The following LPP variants were observed in gnomAD, a reference collection of about 807,000 sequenced individuals.
LPP encodes LIM domain containing preferred translocation partner in lipoma.
A neutral mutation model predicts 60.4 loss-of-function variants in LPP; 38 were observed. The observed-to-expected ratio is 0.63, with a 90% CI of 0.49 to 0.83. LPP has a LOEUF of 0.83. Ranked by LOEUF, LPP falls within the 40% of genes least tolerant of loss-of-function variation. The pLI is 0.00. For synonymous variants in LPP, 328 were observed against 290.8 expected (o/e 1.13, Z -1.30); for missense variants, 902 against 783.6 (o/e 1.15, Z -1.80).
intron 9 of LPP, among the ~76,000 whole-genome samples, chr3:188,768,467 G>C (rs908433636): frequency 6.6e-6 from 1 of 152,036 alleles, no homozygotes; most frequent in African/African-American, 2.4e-5. Context: ...AGAACAATTA[G>C]GAATCTTTTA....
intron 4 of LPP, among the ~76,000 whole-genome samples, chr3:188,441,312 G>A (rs1004213034): frequency 6.6e-6 from 1 of 152,080 alleles, no homozygotes; most frequent in African/African-American, 2.4e-5. Context: ...GCGTGCGTAT[G>A]TGTTTATCAG....
intron 1 of LPP, among the ~76,000 whole-genome samples, chr3:188,196,674 C>T (rs925182859): frequency 6.6e-5 from 10 of 152,174 alleles, no homozygotes; most frequent in African/African-American, 2.4e-4. Context: ...TAAAATCCTT[C>T]AATGCTTTCC....
At chr3:188,783,039 T>C (rs1257629240) in intron 9 of LPP, among the ~76,000 whole-genome samples, 1 of 152,156 alleles carries the variant, frequency 6.6e-6, no homozygotes, top group East Asian at 1.9e-4. Flanking sequence ...AGTTGCCAAT[T>C]GGTCTCCATG....
In LPP at chr3:188,405,824, T is replaced by C. The variant is rs953430780; in HGVS notation, c.-9-288T>C. On this transcript the variant is annotated intron_variant, in intron 3 of 11. Coordinates refer to ENST00000617246, the MANE Select transcript of LPP (RefSeq NM_001375462.1). ...GGCTAGGCACTAAAATAGGTAACTA[T>C]TGGAAGGGAGATATTCAAGTTTGAG... Among the ~76,000 whole-genome samples, 18 of 152,308 alleles carry C rather than the reference T, an allele frequency of 1.2e-4. No individual in the cohort carries two copies. In the East Asian group the frequency reaches 3.3e-3, roughly 28 times the overall value.
chr3:188,258,300 G>T (rs76199408), intron 2 of LPP, among the ~76,000 whole-genome samples: 1 of 152,172 alleles, frequency 6.6e-6, no homozygotes, highest in Non-Finnish European at 1.5e-5. Flanking sequence ...CACTGGCTGC[G>T]CATTAAAATC....
intron 9 of LPP, among the ~76,000 whole-genome samples, chr3:188,860,676 T>C (rs1764988064): frequency 6.6e-6 from 1 of 152,184 alleles, no homozygotes; most frequent in Non-Finnish European, 1.5e-5. Context: ...AGTACTTACC[T>C]GGACTTTATT....
At chr3:188,836,528 C>A (rs1157106504) in intron 9 of LPP, among the ~76,000 whole-genome samples, 2 of 152,218 alleles carry the variant, frequency 1.3e-5, no homozygotes, top group African/African-American at 4.8e-5. Context: ...CACTCTATCC[C>A]TGCAGGACTT....
intron 2 of LPP, among the ~76,000 whole-genome samples, chr3:188,316,191 C>T (rs9813287): frequency 0.45 from 68,163 of 152,016 alleles, 17,984 homozygotes; most frequent in East Asian, 0.71. Context: ...GGTAGGAGAA[C>T]CATTTGAACT....
At chr3:188,853,582 G>T (rs1763160218) in intron 9 of LPP, among the ~76,000 whole-genome samples, 1 of 152,204 alleles carries the variant, frequency 6.6e-6, no homozygotes, top group Non-Finnish European at 1.5e-5. Context: ...GAGGTGACAG[G>T]CTAGGGGCCT....
At chr3:188,335,848 T>A (rs1422436608) in intron 2 of LPP, among the ~76,000 whole-genome samples, 1 of 152,158 alleles carries the variant, frequency 6.6e-6, no homozygotes, top group Non-Finnish European at 1.5e-5. Flanking sequence ...AACAATTACC[T>A]CTTCTATACA....
intron 1 of LPP, among the ~76,000 whole-genome samples, chr3:188,192,597 C>T (rs531437757): frequency 6.6e-6 from 1 of 152,188 alleles, no homozygotes; most frequent in African/African-American, 2.4e-5. Context: ...TTCACTCATT[C>T]TACAGGTTAA....
At chr3:188,342,506 TATGTA>T (rs1404842704) in intron 3 of LPP, among the ~76,000 whole-genome samples, 4 of 152,246 alleles carry the variant, frequency 2.6e-5, no homozygotes, top group Non-Finnish European at 5.9e-5. Context: ...TACTGTGTTT[TATGTA>T]ATGTAACTTA....
chr3:188,267,365 G>A (rs1735956274), intron 2 of LPP, among the ~76,000 whole-genome samples: 1 of 152,210 alleles, frequency 6.6e-6, no homozygotes, highest in East Asian at 1.9e-4. Flanking sequence ...ATAACTGGCT[G>A]TGAAACCTAC....
At chr3:188,550,984 T>C (rs553959818) in intron 6 of LPP, among the ~76,000 whole-genome samples, 1 of 152,278 alleles carries the variant, frequency 6.6e-6, no homozygotes, top group Admixed American at 6.5e-5. Flanking sequence ...TCATAAGATG[T>C]TTTCCATAAG....
At position 188,441,619 on chromosome 3, in the gene LPP, T is replaced by C. The variant is rs796802637; in HGVS notation, c.193+35306T>C. On this transcript the variant is annotated intron_variant, in intron 4 of 11. Transcript: ENST00000617246. ...TTTTTCTTTTCTTTTCTTTTTTTTT[T>C]TTTTTTTTTTTTTTTTTTTGAGATG... Among the ~76,000 whole-genome samples, 28 of 98,546 alleles carry C rather than the reference T, an allele frequency of 2.8e-4. 1 individual carries two copies. Among genetic ancestry groups the C allele is most frequent in the South Asian group, 1.4e-3 (4 of 2,842 alleles). The allele number at this position is 98,546 out of a possible 152,430, so 64.7% of individuals were successfully genotyped here.
chr3:188,272,372 C>T (rs1738062710), intron 2 of LPP, among the ~76,000 whole-genome samples: 2 of 152,188 alleles, frequency 1.3e-5, no homozygotes, highest in Non-Finnish European at 2.9e-5. Flanking sequence ...TAACGGCAAA[C>T]AGAACAAAAA....
At chr3:188,239,778 G>C (rs577707230) in intron 2 of LPP, 1 of 216,366 alleles carries the variant, frequency 4.6e-6, no homozygotes, top group African/African-American at 2.2e-5. Flanking sequence ...TGCACTATTA[G>C]TATTGATTGC....
chr3:188,240,411 A>G (rs1577479011), intron 2 of LPP, among the ~76,000 whole-genome samples: 1 of 150,340 alleles, frequency 6.7e-6, no homozygotes, highest in East Asian at 1.9e-4. Context: ...GGTAAAGAGG[A>G]ACAAATGAAG....
Position 188,887,404 on chromosome 3 carries a change from T to C in LPP, c.*12925T>C. The C allele has an allele frequency of 4.6e-6, 1 of 216,304 alleles. No homozygotes were observed. 13.4% of individuals were successfully genotyped at this position (216,304 alleles called of 1,614,324 possible). ...AGAGTAGCTTGAGCAGGTTATGATA[T>C]ATCTGCCCAATGTGTTTCATTCCTT... On this transcript the variant is annotated 3_prime_UTR_variant, in exon 12 of 12. Coordinates refer to ENST00000617246, the MANE Select transcript of LPP (RefSeq NM_001375462.1).
Sources: allele counts gnomAD v4.1 joint callset (sites outside exome capture counted in the v4.1 genomes callset), GRCh38; gene constraint gnomAD v4.1.1; transcripts MANE v1.5; gene names NCBI Gene and HGNC (gene_info 2026-07-23, HGNC 2026-07-21).